The following CNTNAP2 variants were observed in gnomAD, a reference collection of about 807,000 sequenced individuals.
CNTNAP2 encodes the protein contactin associated protein 2.
Under a neutral mutation model 155.2 loss-of-function variants are expected in CNTNAP2, and 98 were observed. The ratio of observed to expected loss-of-function variants is 0.63; its 90% CI spans 0.54 to 0.75. The LOEUF is 0.75. Among genes scored for constraint, CNTNAP2 ranks in the 30% least tolerant of loss-of-function variants. The pLI, the probability that CNTNAP2 is intolerant of heterozygous loss-of-function variation, is 0.00. For synonymous variants in CNTNAP2, 651 were observed against 631.2 expected, an observed-to-expected ratio of 1.03 and a Z score of -0.47; for missense variants, 1,727 against 1,688.1, an observed-to-expected ratio of 1.02 and a Z score of -0.40.
At chr7:146,627,035 T>C (rs1799431954) in intron 1 of CNTNAP2, among the ~76,000 whole-genome samples, 1 of 152,158 alleles carries the variant, frequency 6.6e-6, no homozygotes, top group South Asian at 2.1e-4. Context: ...TTTAATGGAT[T>C]TACAGTTCCA....
intron 15 of CNTNAP2, among the ~76,000 whole-genome samples, chr7:148,080,428 G>A (rs1477394977): frequency 2.0e-5 from 3 of 151,594 alleles, no homozygotes; most frequent in African/African-American, 4.8e-5. Flanking sequence ...ACACGGTGAA[G>A]CCCCATCTCT....
At chr7:147,125,021 C>A (rs528497852) in intron 6 of CNTNAP2, among the ~76,000 whole-genome samples, 1 of 151,766 alleles carries the variant, frequency 6.6e-6, no homozygotes, top group East Asian at 1.9e-4. Context: ...GCTGGGACTA[C>A]AGGCACCTGC....
At chr7:147,487,026 C>T (rs529279032) in intron 11 of CNTNAP2, among the ~76,000 whole-genome samples, 21 of 152,214 alleles carry the variant, frequency 1.4e-4, no homozygotes, top group Admixed American at 3.3e-4. Context: ...TTTCACTTTA[C>T]TTTTAGGAAA....
intron 20 of CNTNAP2, among the ~76,000 whole-genome samples, chr7:148,252,649 C>T (rs985810075): frequency 1.3e-5 from 2 of 152,114 alleles, no homozygotes; most frequent in East Asian, 3.9e-4. Flanking sequence ...GATATTCATG[C>T]CCTCAATAGT....
intron 13 of CNTNAP2, among the ~76,000 whole-genome samples, chr7:147,893,746 C>G (rs560682096): frequency 6.6e-6 from 1 of 152,220 alleles, no homozygotes; most frequent in South Asian, 2.1e-4. Context: ...TCACCTCCCC[C>G]ACTTCATCCT....
chr7:146,711,470 C>T (rs1801071480), intron 1 of CNTNAP2, among the ~76,000 whole-genome samples: 1 of 147,282 alleles, frequency 6.8e-6, no homozygotes, highest in Admixed American at 6.9e-5. Flanking sequence ...TATATATGAA[C>T]ATATTTATTC....
Position 146,259,184 on chromosome 7 carries a change from A to G in CNTNAP2, c.97+142211A>G, listed in dbSNP as rs142892426. Among the ~76,000 whole-genome samples, 180 of 152,328 alleles carry G rather than the reference A, an allele frequency of 1.2e-3. 6 individuals are homozygous for G. The East Asian group carries it at 0.032, about 27-fold the overall frequency. Reference sequence around the variant, plus strand: ...TCCTGAGGCCTCCCCAATCATGCATAACTGTGAGTCAATTAGACCTCTTTC... The same window carrying G: ...TCCTGAGGCCTCCCCAATCATGCATGACTGTGAGTCAATTAGACCTCTTTC... On this transcript the variant is annotated intron_variant, in intron 1 of 23. Coordinates refer to ENST00000361727, the MANE Select transcript of CNTNAP2 (RefSeq NM_014141.6).
At chr7:146,964,394 C>A (rs941081379) in intron 3 of CNTNAP2, among the ~76,000 whole-genome samples, 3 of 152,070 alleles carry the variant, frequency 2.0e-5, no homozygotes, top group African/African-American at 7.2e-5. Context: ...AATTTAAATT[C>A]CCAGATGTCT....
chr7:147,819,845 T>C (rs994909968), intron 13 of CNTNAP2, among the ~76,000 whole-genome samples: 8 of 152,182 alleles, frequency 5.3e-5, no homozygotes, highest in Non-Finnish European at 1.2e-4. Context: ...ATTTTAGAGT[T>C]TACTCCATGT....
At chr7:147,879,306 C>A (rs10234247) in intron 13 of CNTNAP2, among the ~76,000 whole-genome samples, 5,941 of 152,160 alleles carry the variant, frequency 0.039, 374 homozygotes, top group African/African-American at 0.14. Flanking sequence ...TTACACAGGG[C>A]TGGCATTCAG....
At chr7:147,661,905 C>T (rs958285914) in intron 13 of CNTNAP2, among the ~76,000 whole-genome samples, 1 of 152,048 alleles carries the variant, frequency 6.6e-6, no homozygotes, top group African/African-American at 2.4e-5. Context: ...ATGACGTAGC[C>T]CTACCTAGTA....
intron 21 of CNTNAP2, among the ~76,000 whole-genome samples, chr7:148,322,928 C>T (rs10264551): frequency 0.26 from 39,508 of 151,574 alleles, 5,303 homozygotes; most frequent in South Asian, 0.38. Flanking sequence ...AATTTGTCCT[C>T]TTCCTGAAAT....
intron 13 of CNTNAP2, among the ~76,000 whole-genome samples, chr7:147,723,264 TAC>T (rs1191958110): frequency 2.0e-5 from 3 of 152,022 alleles, no homozygotes; most frequent in Admixed American, 1.3e-4. Context: ...GTCAGAATAT[TAC>T]AGTCAGGAAA....
intron 8 of CNTNAP2, among the ~76,000 whole-genome samples, chr7:147,141,006 A>T (rs545660004): frequency 2.0e-4 from 30 of 152,236 alleles, no homozygotes; most frequent in Non-Finnish European, 1.0e-4. Flanking sequence ...ATAGATAATA[A>T]CTATTGAATG....
intron 15 of CNTNAP2, among the ~76,000 whole-genome samples, chr7:148,048,566 G>C (rs1013830052): frequency 6.6e-6 from 1 of 152,060 alleles, no homozygotes; most frequent in Non-Finnish European, 1.5e-5. Context: ...GGCATGTCAG[G>C]GGAGTGTCTC....
At chr7:147,478,955 G>C (rs1470674231) in intron 10 of CNTNAP2, among the ~76,000 whole-genome samples, 1 of 152,168 alleles carries the variant, frequency 6.6e-6, no homozygotes, top group Non-Finnish European at 1.5e-5. Flanking sequence ...CACAGGCCAC[G>C]TGAAGGAGGC....
At chr7:146,900,910 T>C (rs983813174) in intron 3 of CNTNAP2, among the ~76,000 whole-genome samples, 3 of 152,128 alleles carry the variant, frequency 2.0e-5, no homozygotes, top group Non-Finnish European at 2.9e-5. Flanking sequence ...GTAATAAATA[T>C]CAGTTAAATA....
intron 16 of CNTNAP2, among the ~76,000 whole-genome samples, chr7:148,121,458 G>A (rs1804592933): frequency 6.6e-6 from 1 of 152,214 alleles, no homozygotes; most frequent in South Asian, 2.1e-4. Flanking sequence ...TTTCACAACA[G>A]TGGCGGGCTA....
At chr7:147,851,221 G>C (rs1478009328) in intron 13 of CNTNAP2, among the ~76,000 whole-genome samples, 2 of 151,906 alleles carry the variant, frequency 1.3e-5, no homozygotes, top group Non-Finnish European at 2.9e-5. Flanking sequence ...ACCACAATGA[G>C]ATACCATCTC....
Sources: gnomAD v4.1 joint callset for allele counts (sites outside exome capture counted in the v4.1 genomes callset) on GRCh38, gnomAD v4.1.1 for gene constraint, MANE v1.5 for transcripts, NCBI Gene and HGNC (gene_info 2026-07-23, HGNC 2026-07-21) for gene names.